The following DENND4C variants were observed in gnomAD, a reference collection of about 807,000 sequenced individuals.
DENND4C encodes the protein DENN domain-containing protein 4C.
A neutral mutation model predicts 203.0 loss-of-function variants in DENND4C; 108 were observed. The observed-to-expected ratio is 0.53, with a 90% confidence interval of 0.46 to 0.62. DENND4C has a LOEUF of 0.62. Ranked by LOEUF, DENND4C falls within the 20% of genes least tolerant of loss-of-function variation. The probability of loss-of-function intolerance (pLI) is 0.00; values close to 1 mark genes in which losing one functional copy is unlikely to be tolerated. For synonymous variants in DENND4C, 871 were observed against 792.4 expected, an observed-to-expected ratio of 1.10 and a Z score of -1.67; for missense variants, 2,481 against 2,301.2, an observed-to-expected ratio of 1.08 and a Z score of -1.60.
chr9:19,332,089 T>C lies in DENND4C; in HGVS notation c.2365T>C (p.Tyr789His). The C allele has an allele frequency of 6.2e-7, 1 of 1,614,124 alleles. No individual in the cohort carries two copies. The highest frequency in any genetic ancestry group is 8.5e-7 in the Non-Finnish European group (1 of 1,179,992). ...TTTATGGTTTATTTGTCTTCCGGCC[T>C]ATGTTAGAGTTTCTCATCCTAAAGT... Reference protein sequence around the residue: ...YSLWFICLPAYVRVSHPKVRA... With the variant: ...YSLWFICLPAHVRVSHPKVRA... The change falls in exon 17 of 33, where the codon TAT (tyrosine) becomes CAT (histidine). Residue 789 changes from tyrosine to histidine, a missense_variant. Physicochemically the swap from Tyr to His is moderately conservative, Grantham distance 83 (BLOSUM62 2). Transcript: ENST00000434457.
Position 19,352,631 on chromosome 9 carries a change from A to C in DENND4C, c.4747A>C (p.Asn1583His), listed in dbSNP as rs763085929. 6.2e-7 allele frequency: 1 copy of C among 1,610,810 alleles called. No homozygotes were observed. Among genetic ancestry groups the C allele is most frequent in the South Asian group, 1.1e-5 (1 of 90,614 alleles). ...TAAAAGCAACTTCTTGCCTCTTCTC[A>C]ATATAGAATTCAAAGATTTGAGAGG... ...FCKSNFLPLL[N>H]IEFKDLRGSA... The change falls in exon 26 of 33, where the codon AAT (asparagine) becomes CAT (histidine). Residue 1583 changes from asparagine to histidine, a missense_variant. Coordinates refer to ENST00000434457, the MANE Select transcript of DENND4C (RefSeq NM_001330640.2).
Position 19,300,291 on chromosome 9 carries a change from G to A in DENND4C, c.1271G>A (p.Arg424Lys). 6.2e-7 allele frequency: 1 copy of A among 1,607,280 alleles called. No individual in the cohort carries two copies. Among genetic ancestry groups the A allele is most frequent in the East Asian group, 2.2e-5 (1 of 44,796 alleles). The change falls in exon 9 of 33, where the codon AGG becomes AAG. Residue 424 changes from arginine (R) to lysine (K), a missense_variant. Physicochemically the swap from Arg to Lys is conservative, Grantham distance 26. Around this residue, in one of 3 missense-constraint regions of DENND4C, gnomAD observed 2,289 missense variants for 2,113.3 expected, o/e 1.08. Transcript: ENST00000434457. Reference protein sequence around the residue: ...LESKILLHSLRPAVLTGVAEA... With the variant: ...LESKILLHSLKPAVLTGVAEA... ...AGTAAAATTCTGCTGCATTCTCTTA[G>A]GCCAGCTGTCTTGACTGGGGTAGCT...
At chr9:19,367,561 C>T (rs185155988) in intron 30 of DENND4C, among the ~76,000 whole-genome samples, 2 of 152,324 alleles carry the variant, frequency 1.3e-5, no homozygotes, top group African/African-American at 4.8e-5. Flanking sequence ...CATGGGGAAA[C>T]CCCGTCTCTA....
chr9:19,233,674 C>T (rs1010371501), intron 1 of DENND4C, among the ~76,000 whole-genome samples: 1 of 149,880 alleles, frequency 6.7e-6, no homozygotes, highest in Non-Finnish European at 1.5e-5. Context: ...GATTCTCCTG[C>T]CTCTGCCTCC....
chr9:19,299,003 A>T (rs1838007771), intron 7 of DENND4C, among the ~76,000 whole-genome samples: 1 of 152,182 alleles, frequency 6.6e-6, no homozygotes, highest in African/African-American at 2.4e-5. Flanking sequence ...AAATTCAGTC[A>T]AATTAACCAT....
intron 26 of DENND4C, among the ~76,000 whole-genome samples, chr9:19,356,599 G>A (rs1199009598): frequency 6.6e-6 from 1 of 151,886 alleles, no homozygotes; most frequent in Non-Finnish European, 1.5e-5. Flanking sequence ...TGCTGCTACT[G>A]CAGCTCTTTA....
At chr9:19,261,513 T>G (rs1829343013) in intron 1 of DENND4C, among the ~76,000 whole-genome samples, 1 of 151,872 alleles carries the variant, frequency 6.6e-6, no homozygotes, top group South Asian at 2.1e-4. Context: ...TCTTTTTCCT[T>G]TTTTTTGGAG....
At chr9:19,310,296 GT>G (rs1437222692) in intron 10 of DENND4C, among the ~76,000 whole-genome samples, 3 of 152,192 alleles carry the variant, frequency 2.0e-5, no homozygotes, top group African/African-American at 7.2e-5. Context: ...AGTAGTTATA[GT>G]TGGTATCTTG....
At chr9:19,251,352 AG>A (rs199827443) in intron 1 of DENND4C, among the ~76,000 whole-genome samples, 2 of 152,212 alleles carry the variant, frequency 1.3e-5, no homozygotes, top group East Asian at 3.9e-4. Flanking sequence ...GCACACAGCA[AG>A]GGGATGCTGG....
intron 4 of DENND4C, 95 bp downstream of exon 4, chr9:19,288,760 T>C: frequency 1.7e-6 from 1 of 578,508 alleles, no homozygotes; most frequent in Non-Finnish European, 2.6e-6. Context: ...CTTACATAGT[T>C]TGTAGAATTG....
At chr9:19,268,967 A>G (rs1411800376) in intron 1 of DENND4C, among the ~76,000 whole-genome samples, 1 of 151,958 alleles carries the variant, frequency 6.6e-6, no homozygotes, top group Non-Finnish European at 1.5e-5. Context: ...GAATATTGAT[A>G]TCTTTCTCTA....
In DENND4C at chr9:19,276,340, A is replaced by T; in HGVS notation, c.166A>T (p.Thr56Ser). The T allele has an allele frequency of 8.1e-7, 1 of 1,232,128 alleles. No individual in the cohort carries two copies. The highest frequency in any genetic ancestry group is 1.0e-6 in the Non-Finnish European group (1 of 987,948). 76.3% of individuals were successfully genotyped at this position (1,232,128 alleles called of 1,614,324 possible). A position where few individuals can be genotyped will look rare whatever the true frequency, so the allele number is the denominator to read the frequency against. Reference protein sequence around the residue: ...IAIIIKSAGETVPEGYTCVEA... With the variant: ...IAIIIKSAGESVPEGYTCVEA... ...CATTATTATCAAATCAGCTGGAGAA[A>T]CAGTACCTGAAGGTTACACCTGTGT... The change falls in exon 2 of 33, where the codon ACA becomes TCA. Residue 56 changes from threonine (T) to serine (S), a missense_variant. Physicochemically the swap from Thr to Ser is moderately conservative, Grantham distance 58. This residue lies in a region of DENND4C where 187 missense variants were observed against 167.4 expected (regional missense o/e 1.12). Coordinates refer to ENST00000434457, the MANE Select transcript of DENND4C (RefSeq NM_001330640.2).
intron 20 of DENND4C, 76 bp from the exon 21 acceptor site, chr9:19,340,916 A>C: frequency 8.6e-7 from 1 of 1,161,288 alleles, no homozygotes. Context: ...GATCAGTGGA[A>C]TTTTCTTGTG....
At chr9:19,245,717 G>A (rs148799019) in intron 1 of DENND4C, among the ~76,000 whole-genome samples, 3,023 of 152,100 alleles carry the variant, frequency 0.02, 110 homozygotes, top group African/African-American at 0.069. Context: ...CTAGCCAGGC[G>A]TGGTGGCATG....
chr9:19,371,935 A>G, intron 32 of DENND4C, 102 bp from the exon 33 acceptor site: 16 of 1,337,950 alleles, frequency 1.2e-5, no homozygotes, highest in Non-Finnish European at 1.4e-5. Flanking sequence ...ACTTCTAAAT[A>G]TATAGTTCAA....
In DENND4C at chr9:19,332,085, G is replaced by C; in HGVS notation, c.2361G>C (p.Pro787=). The change falls in exon 17 of 33, where the codon CCG becomes CCC. Residue 787 remains proline, a synonymous_variant. Coordinates refer to ENST00000434457, the MANE Select transcript of DENND4C (RefSeq NM_001330640.2). ...HCYSLWFICL[P]AYVRVSHPKV... ...ACAGTTTATGGTTTATTTGTCTTCC[G>C]GCCTATGTTAGAGTTTCTCATCCTA... 5 of 1,613,944 alleles carry C rather than the reference G, an allele frequency of 3.1e-6. No individual in the cohort carries two copies. Among genetic ancestry groups the C allele is most frequent in the Non-Finnish European group, 4.2e-6 (5 of 1,179,968 alleles).
intron 16 of DENND4C, among the ~76,000 whole-genome samples, chr9:19,330,540 A>G (rs1234702211): frequency 2.0e-5 from 3 of 151,726 alleles, no homozygotes; most frequent in East Asian, 3.9e-4. Context: ...GGGCTTTACC[A>G]TGTTGGCCAG....
rs1459289268 is a variant in DENND4C at position 19,352,193 on chromosome 9, T to C, written c.4605+11T>C. 6.2e-7 allele frequency: 1 copy of C among 1,603,122 alleles called. No individual in the cohort carries two copies. Among genetic ancestry groups the C allele is most frequent in the Admixed American group, 1.7e-5 (1 of 59,874 alleles). ...AATTGTGCAATGGAGGTAAAAGTTC[T>C]ATATTCAGTTCATGATAAAGTAGCT... On this transcript the variant is annotated intron_variant, in intron 25 of 32. Transcript: ENST00000434457.
chr9:19,347,120 A>G (rs756698662), intron 23 of DENND4C, 34 bp downstream of exon 23: 56 of 1,553,012 alleles, frequency 3.6e-5, no homozygotes, highest in Non-Finnish European at 4.8e-5. Context: ...TCTGTCTGCT[A>G]TTGGAGTGTT....
Sources: allele counts gnomAD v4.1 joint callset (sites outside exome capture counted in the v4.1 genomes callset), GRCh38; gene constraint gnomAD v4.1.1; regional missense constraint gnomAD v4.1.1; transcripts MANE v1.5; gene names NCBI Gene and HGNC (gene_info 2026-07-23, HGNC 2026-07-21).